The following ZNF804B variants were observed in gnomAD, a reference collection of about 807,000 sequenced individuals.
The protein encoded by ZNF804B is zinc finger 804B.
In ZNF804B, 80 loss-of-function variants were observed where a neutral mutation model predicts 101.4. The ratio of observed to expected loss-of-function variants is 0.79; its 90% CI spans 0.66 to 0.95. The LOEUF (loss-of-function observed/expected upper bound fraction) is 0.95, where lower values mean the gene tolerates loss of function less well. Among genes scored for constraint, ZNF804B ranks in the 40% least tolerant of loss-of-function variants. ZNF804B has a pLI of 0.00. For synonymous variants in ZNF804B, 622 were observed against 558.8 expected (o/e 1.11, Z -1.59); for missense variants, 1,673 against 1,561.9 (o/e 1.07, Z -1.20).
chr7:89,191,555 A>G (rs1044759823), intron 1 of ZNF804B, among the ~76,000 whole-genome samples: 1 of 152,154 alleles, frequency 6.6e-6, no homozygotes, highest in East Asian at 1.9e-4. Flanking sequence ...TTTTAAGGTT[A>G]TGACTAGAGG....
chr7:89,066,714 G>A (rs1789460294), intron 1 of ZNF804B, among the ~76,000 whole-genome samples: 1 of 151,918 alleles, frequency 6.6e-6, no homozygotes, highest in South Asian at 2.1e-4. Flanking sequence ...GCTATGCCAG[G>A]CAGTTCATAA....
chr7:88,972,102 A>G (rs1793547483), intron 1 of ZNF804B, among the ~76,000 whole-genome samples: 1 of 151,566 alleles, frequency 6.6e-6, no homozygotes, highest in East Asian at 2.0e-4. Context: ...TTTATTGAGA[A>G]GCCATTACAT....
intron 1 of ZNF804B, among the ~76,000 whole-genome samples, chr7:89,211,766 GT>G (rs1488170728): frequency 6.6e-6 from 1 of 152,152 alleles, no homozygotes; most frequent in African/African-American, 2.4e-5. Context: ...ATACTTTGAA[GT>G]CCAGTAGCAT....
intron 1 of ZNF804B, among the ~76,000 whole-genome samples, chr7:89,065,726 A>G (rs1393716567): frequency 6.6e-6 from 1 of 151,924 alleles, no homozygotes; most frequent in Non-Finnish European, 1.5e-5. Context: ...TGCTTTTTCC[A>G]GCTTCTAGAG....
chr7:89,165,391 TTGA>T (rs1452319879), intron 1 of ZNF804B, among the ~76,000 whole-genome samples: 1 of 151,950 alleles, frequency 6.6e-6, no homozygotes, highest in Non-Finnish European at 1.5e-5. Flanking sequence ...TTAAATTGAA[TTGA>T]TGAATAAAAT....
rs375661553 is a variant in ZNF804B, at chr7:88,965,355, G to T, written c.108+205271G>T. ...GGAATCAATGGAATTTCTCAACCCT[G>T]TTATTTTAAAATAGCCCTGCATGAA... On this transcript the variant is annotated intron_variant, in intron 1 of 3. Transcript: ENST00000333190. Among the ~76,000 whole-genome samples, 5 of 151,336 alleles carry T rather than the reference G, an allele frequency of 3.3e-5. No individual in the cohort carries two copies. The East Asian group carries it at 7.9e-4, about 24-fold the overall frequency.
chr7:88,990,684 G>A (rs75326014), intron 1 of ZNF804B, among the ~76,000 whole-genome samples: 1 of 152,184 alleles, frequency 6.6e-6, no homozygotes, highest in East Asian at 1.9e-4. Context: ...CAGAGTAAAG[G>A]TGAAGAATTT....
At chr7:89,063,766 C>A (rs1789410557) in intron 1 of ZNF804B, among the ~76,000 whole-genome samples, 1 of 152,104 alleles carries the variant, frequency 6.6e-6, no homozygotes, top group African/African-American at 2.4e-5. Context: ...TTCATTTGTT[C>A]ATTCATTCAG....
At chr7:88,771,089 C>T (rs1195229471) in intron 1 of ZNF804B, among the ~76,000 whole-genome samples, 1 of 152,044 alleles carries the variant, frequency 6.6e-6, no homozygotes, top group Non-Finnish European at 1.5e-5. Flanking sequence ...CTACTTTACC[C>T]AGATGTTTCC....
intron 1 of ZNF804B, among the ~76,000 whole-genome samples, chr7:89,128,656 T>A (rs1790506022): frequency 6.6e-6 from 1 of 152,078 alleles, no homozygotes; most frequent in African/African-American, 2.4e-5. Flanking sequence ...TTTCTCTTTT[T>A]CATGTTAATT....
intron 1 of ZNF804B, among the ~76,000 whole-genome samples, chr7:89,003,468 G>A (rs947794960): frequency 2.6e-5 from 4 of 152,102 alleles, no homozygotes; most frequent in Admixed American, 6.6e-5. Context: ...CACATCAACA[G>A]AGAGGAGATA....
chr7:89,335,736 A>T lies in ZNF804B; in HGVS notation c.2754A>T (p.Gly918=), dbSNP rs781272729. 7 of 1,613,950 alleles carry T rather than the reference A, an allele frequency of 4.3e-6. No individual in the cohort carries two copies. In the Admixed American group the frequency reaches 1.2e-4, roughly 27 times the overall value. The change falls in exon 4 of 4, where the codon GGA becomes GGT. Residue 918 remains glycine (G), a synonymous_variant. Coordinates refer to ENST00000333190, the MANE Select transcript of ZNF804B (RefSeq NM_181646.5). The stretch of plus-strand genomic sequence containing the variant: ...CCACAGAATCAAACACTGCAGAAGG[A>T]GAGAGGACCCCTCTAACAGCAAAAA... ...SETTESNTAE[G]ERTPLTAKIL...
At chr7:89,276,295 C>T (rs1789979229) in intron 2 of ZNF804B, among the ~76,000 whole-genome samples, 1 of 151,796 alleles carries the variant, frequency 6.6e-6, no homozygotes, top group Admixed American at 6.6e-5. Flanking sequence ...AACAAACCTG[C>T]ACATCCTGCA....
At chr7:88,807,554 A>G (rs1320560317) in intron 1 of ZNF804B, among the ~76,000 whole-genome samples, 1 of 152,320 alleles carries the variant, frequency 6.6e-6, no homozygotes, top group Non-Finnish European at 1.5e-5. Flanking sequence ...GTGTGTCTGA[A>G]GCCAGCATCT....
chr7:88,760,358 G>T (rs1000674202), intron 1 of ZNF804B, among the ~76,000 whole-genome samples: 18 of 152,230 alleles, frequency 1.2e-4, no homozygotes, highest in Non-Finnish European at 7.3e-5. Context: ...GCAGTCAACT[G>T]CAGGGCTCAG....
chr7:89,324,067 A>G (rs752598770), intron 2 of ZNF804B, among the ~76,000 whole-genome samples: 1 of 151,394 alleles, frequency 6.6e-6, no homozygotes. Flanking sequence ...TCCTCTTTTC[A>G]TCATACAAAG....
chr7:89,246,977 C>T (rs1210617835), intron 2 of ZNF804B, among the ~76,000 whole-genome samples: 13 of 152,230 alleles, frequency 8.5e-5, no homozygotes, highest in Admixed American at 8.5e-4. Flanking sequence ...CCTGAGTTGC[C>T]CCACCATTCC....
intron 1 of ZNF804B, among the ~76,000 whole-genome samples, chr7:89,140,426 G>T (rs1172267429): frequency 6.6e-6 from 1 of 152,016 alleles, no homozygotes; most frequent in East Asian, 1.9e-4. Context: ...GAAAGTCCTA[G>T]TATTTCTTAT....
At chr7:89,116,118 T>C (rs1224773332) in intron 1 of ZNF804B, among the ~76,000 whole-genome samples, 1 of 151,926 alleles carries the variant, frequency 6.6e-6, no homozygotes, top group Non-Finnish European at 1.5e-5. Flanking sequence ...TTCGCCATGT[T>C]CCCCAAGCTG....
Sources: gnomAD v4.1 joint callset for allele counts (sites outside exome capture counted in the v4.1 genomes callset) on GRCh38, gnomAD v4.1.1 for gene constraint, MANE v1.5 for transcripts, NCBI Gene and HGNC (gene_info 2026-07-23, HGNC 2026-07-21) for gene names.